Variants in OR9Q1 observed in about 807,000 individuals in gnomAD.
The protein encoded by OR9Q1 is olfactory receptor family 9 subfamily Q member 1.
For synonymous variants in OR9Q1, 153 were observed against 148.6 expected (o/e 1.03, Z -0.22); for missense variants, 374 against 378.8 (o/e 0.99, Z 0.11).
chr11:58,062,496 C>T (rs762337296), intron 2 of OR9Q1, among the ~76,000 whole-genome samples: 2 of 152,168 alleles, frequency 1.3e-5, no homozygotes, highest in Non-Finnish European at 2.9e-5. Context: ...CTCAGGCAAT[C>T]TAAATTCGTT....
chr11:58,053,627 A>ATATATATAT (rs1491279836), intron 1 of OR9Q1, among the ~76,000 whole-genome samples: 5 of 103,334 alleles, frequency 4.8e-5, no homozygotes, highest in Admixed American at 2.3e-4. Context: ...ATATATATAT[A>ATATATATAT]AAATATATAT....
Position 58,031,157 on chromosome 11 carries a change from T to G in OR9Q1, c.-93+7053T>G. 3 of 1,614,224 alleles carry G rather than the reference T, an allele frequency of 1.9e-6. No individual in the cohort carries two copies. In the South Asian group the frequency reaches 3.3e-5, roughly 18 times the overall value. On this transcript the variant is annotated intron_variant, in intron 1 of 2. Transcript: ENST00000335397. ...CATGTATTTCTTCCTGACACACTTGTCCTGCCTTGAAATCTGGTACACTTC... is the reference window on the plus strand; with the variant it reads ...CATGTATTTCTTCCTGACACACTTGGCCTGCCTTGAAATCTGGTACACTTC...
At chr11:58,150,976 C>A (rs1186498305) in intron 2 of OR9Q1, among the ~76,000 whole-genome samples, 1 of 152,142 alleles carries the variant, frequency 6.6e-6, no homozygotes, top group Non-Finnish European at 1.5e-5. Flanking sequence ...CCTAAAAAAT[C>A]ATTGCCACAT....
chr11:58,063,055 A>T (rs545103173), intron 2 of OR9Q1, among the ~76,000 whole-genome samples: 32 of 152,174 alleles, frequency 2.1e-4, no homozygotes, highest in Non-Finnish European at 3.7e-4. Flanking sequence ...CTATAGCACA[A>T]TTCTCTACAC....
At chr11:58,127,308 TA>T (rs1412194510) in intron 2 of OR9Q1, among the ~76,000 whole-genome samples, 1 of 152,130 alleles carries the variant, frequency 6.6e-6, no homozygotes. Context: ...TTAGCTTCCT[TA>T]AAAAAAGACC....
intron 1 of OR9Q1, among the ~76,000 whole-genome samples, chr11:58,034,455 T>A (rs61903966): frequency 0.22 from 32,808 of 152,054 alleles, 4,100 homozygotes; most frequent in Middle Eastern, 0.38. Context: ...TGAAGACAAA[T>A]TGAAAGAAGA....
At chr11:58,126,735 T>C (rs760352314) in intron 2 of OR9Q1, among the ~76,000 whole-genome samples, 19 of 152,330 alleles carry the variant, frequency 1.2e-4, no homozygotes, top group South Asian at 2.1e-4. Context: ...TGTATTCTAA[T>C]ACTTCCTGGA....
chr11:58,034,735 T>TTTCCTTTCCTTCCTTCC (rs1554964475), intron 1 of OR9Q1, among the ~76,000 whole-genome samples: 1 of 111,404 alleles, frequency 9.0e-6, no homozygotes, highest in Non-Finnish European at 1.8e-5. Context: ...GGTTTCTTTC[T>TTTCCTTTCCTTCCTTCC]TTCCTTCCTT....
At chr11:58,030,942 C>T in intron 1 of OR9Q1, 1 of 1,570,894 alleles carries the variant, frequency 6.4e-7, no homozygotes, top group Non-Finnish European at 8.8e-7. Context: ...GCTGAGCTCT[C>T]ACTGCCACAT....
chr11:58,101,860 C>T (rs1025775951), intron 2 of OR9Q1, among the ~76,000 whole-genome samples: 3 of 152,178 alleles, frequency 2.0e-5, no homozygotes, highest in Admixed American at 6.5e-5. Flanking sequence ...GATTCTCCTG[C>T]CTCAGCCTCC....
At chr11:58,175,616 A>C (rs572699659) in intron 2 of OR9Q1, among the ~76,000 whole-genome samples, 26 of 152,236 alleles carry the variant, frequency 1.7e-4, no homozygotes, top group Middle Eastern at 3.4e-3. Flanking sequence ...ATCTTATAGA[A>C]TGGATAAGAA....
chr11:58,125,004 A>C (rs1223020577), intron 2 of OR9Q1, among the ~76,000 whole-genome samples: 1 of 152,156 alleles, frequency 6.6e-6, no homozygotes, highest in East Asian at 1.9e-4. Flanking sequence ...GTCAATGAAA[A>C]AGCCTGGAGT....
At chr11:58,119,017 C>T (rs754417451) in intron 2 of OR9Q1, 2 of 1,613,914 alleles carry the variant, frequency 1.2e-6, no homozygotes, top group Admixed American at 1.7e-5. Context: ...TACCACCAGG[C>T]TCCAGCAGAG....
chr11:58,099,890 A>T (rs1853767237), intron 2 of OR9Q1, among the ~76,000 whole-genome samples: 1 of 152,066 alleles, frequency 6.6e-6, no homozygotes, highest in African/African-American at 2.4e-5. Flanking sequence ...ATCATTTTTT[A>T]AAATAGCTGT....
chr11:58,128,389 C>T (rs1437217618), intron 2 of OR9Q1, among the ~76,000 whole-genome samples: 2 of 151,560 alleles, frequency 1.3e-5, no homozygotes, highest in Non-Finnish European at 2.9e-5. Flanking sequence ...GGACAAATGG[C>T]AAAGCTGAGA....
chr11:58,161,495 C>T (rs546334025), intron 2 of OR9Q1, among the ~76,000 whole-genome samples: 227 of 151,902 alleles, frequency 1.5e-3, no homozygotes, highest in Non-Finnish European at 2.9e-3. Flanking sequence ...CTTCTGGATA[C>T]ACATATCCTT....
At chr11:58,165,650 T>C (rs2443440) in intron 2 of OR9Q1, among the ~76,000 whole-genome samples, 112,374 of 152,100 alleles carry the variant, frequency 0.74, 41,728 homozygotes, top group East Asian at 0.88. Flanking sequence ...TGCTGTTTCC[T>C]GCACTTCCAG....
At chr11:58,054,420 T>C (rs976197589) in intron 1 of OR9Q1, among the ~76,000 whole-genome samples, 3 of 152,182 alleles carry the variant, frequency 2.0e-5, no homozygotes, top group Non-Finnish European at 2.9e-5. Flanking sequence ...GAATTAGCTA[T>C]ATCACTTTCC....
At chr11:58,080,428 T>G (rs1002382807) in intron 2 of OR9Q1, among the ~76,000 whole-genome samples, 2 of 152,170 alleles carry the variant, frequency 1.3e-5, no homozygotes, top group Non-Finnish European at 2.9e-5. Flanking sequence ...GTCTTTGTAT[T>G]GTGCATAGTG....
Sources: gnomAD v4.1 joint callset for allele counts (sites outside exome capture counted in the v4.1 genomes callset) on GRCh38, gnomAD v4.1.1 for gene constraint, MANE v1.5 for transcripts, NCBI Gene and HGNC (gene_info 2026-07-23, HGNC 2026-07-21) for gene names.